Variants in TMTC1 observed in about 807,000 individuals in gnomAD.
TMTC1 encodes the protein transmembrane O-mannosyltransferase targeting cadherins 1, also known as protein O-mannosyl-transferase TMTC1.
A neutral mutation model predicts 104.8 loss-of-function variants in TMTC1; 73 were observed. The observed-to-expected ratio is 0.70, with a 90% CI of 0.58 to 0.85. The LOEUF is 0.85. Among genes scored for constraint, TMTC1 ranks in the 40% least tolerant of loss-of-function variants. TMTC1 has a pLI of 0.00. For missense variants in TMTC1, 1,035 were observed against 1,096.1 expected (o/e 0.94, Z 0.79); for synonymous variants, 434 against 428.7 (o/e 1.01, Z -0.15).
At chr12:29,663,451 A>G (rs1051384668) in intron 5 of TMTC1, among the ~76,000 whole-genome samples, 1 of 152,144 alleles carries the variant, frequency 6.6e-6, no homozygotes, top group Non-Finnish European at 1.5e-5. Context: ...TAGTGGAAAA[A>G]TTAGCAGTGG....
chr12:29,744,979 G>A (rs1476506400), intron 5 of TMTC1, among the ~76,000 whole-genome samples: 2 of 151,970 alleles, frequency 1.3e-5, no homozygotes, highest in Non-Finnish European at 2.9e-5. Context: ...AGGCTGGAGT[G>A]CAGTGGTGTG....
intron 5 of TMTC1, among the ~76,000 whole-genome samples, chr12:29,682,748 T>C (rs1041627973): frequency 6.6e-6 from 1 of 152,046 alleles, no homozygotes; most frequent in African/African-American, 2.4e-5. Flanking sequence ...TTAGAGTTGG[T>C]TGTGGGGTAG....
chr12:29,659,689 C>A (rs1169713420), intron 5 of TMTC1, among the ~76,000 whole-genome samples: 1 of 152,028 alleles, frequency 6.6e-6, no homozygotes, highest in African/African-American at 2.4e-5. Flanking sequence ...CAAATATACA[C>A]CAAATGAAAC....
intron 6 of TMTC1, among the ~76,000 whole-genome samples, chr12:29,611,026 A>C (rs1292287969): frequency 6.6e-6 from 1 of 152,230 alleles, no homozygotes; most frequent in Non-Finnish European, 1.5e-5. Context: ...TGTCTTCCCT[A>C]AGCCAATTTA....
chr12:29,687,803 T>C (rs1437248681), intron 5 of TMTC1, among the ~76,000 whole-genome samples: 1 of 152,192 alleles, frequency 6.6e-6, no homozygotes, highest in African/African-American at 2.4e-5. Flanking sequence ...TGTCCTCCCA[T>C]TGTTTTTCTT....
intron 17 of TMTC1, among the ~76,000 whole-genome samples, chr12:29,508,924 T>A (rs778882823): frequency 1.3e-5 from 2 of 152,126 alleles, no homozygotes; most frequent in Non-Finnish European, 2.9e-5. Context: ...AGTCAGTATC[T>A]CCAATTCCCT....
At chr12:29,774,325 A>T (rs978927470) in intron 1 of TMTC1, among the ~76,000 whole-genome samples, 1 of 152,184 alleles carries the variant, frequency 6.6e-6, no homozygotes, top group Non-Finnish European at 1.5e-5. Flanking sequence ...TGATACTCAG[A>T]ACAATGAGAG....
chr12:29,767,665 A>G (rs1354478028), intron 2 of TMTC1, among the ~76,000 whole-genome samples: 1 of 151,892 alleles, frequency 6.6e-6, no homozygotes, highest in Non-Finnish European at 1.5e-5. Flanking sequence ...CAAAAGGAAA[A>G]GTTGTCAACC....
intron 2 of TMTC1, among the ~76,000 whole-genome samples, chr12:29,761,638 T>C (rs1235836823): frequency 6.6e-6 from 1 of 151,916 alleles, no homozygotes; most frequent in Non-Finnish European, 1.5e-5. Flanking sequence ...GATATAGCTT[T>C]TTAAAAATGC....
chr12:29,713,143 T>C (rs992787929), intron 5 of TMTC1, among the ~76,000 whole-genome samples: 6 of 151,824 alleles, frequency 4.0e-5, no homozygotes, highest in Non-Finnish European at 8.8e-5. Context: ...CGTGGAAATG[T>C]GGAAATGCTG....
At chr12:29,508,736 C>T (rs767938404) in intron 17 of TMTC1, among the ~76,000 whole-genome samples, 3 of 151,940 alleles carry the variant, frequency 2.0e-5, no homozygotes, top group South Asian at 2.1e-4. Flanking sequence ...ACAACATGCC[C>T]GGCTAATTTT....
In TMTC1 at chr12:29,668,714, G is replaced by C. The variant is rs538266778; in HGVS notation, c.939-35378C>G. Reference sequence around the variant, plus strand: ...GACCTCAGGTGATCCACCCACCTTGGCCTCCCAAAGTGCTGGGATTACAGG... The same window carrying C: ...GACCTCAGGTGATCCACCCACCTTGCCCTCCCAAAGTGCTGGGATTACAGG... On this transcript the variant is annotated intron_variant, in intron 5 of 17. Transcript: ENST00000539277. Among the ~76,000 whole-genome samples, 150 of 152,216 alleles carry C rather than the reference G, an allele frequency of 9.9e-4. 1 individual carries two copies. Among genetic ancestry groups the C allele is most frequent in the African/African-American group, 3.3e-3 (138 of 41,550 alleles).
At chr12:29,553,216 CT>C (rs1364209067) in intron 10 of TMTC1, among the ~76,000 whole-genome samples, 1 of 152,216 alleles carries the variant, frequency 6.6e-6, no homozygotes, top group Non-Finnish European at 1.5e-5. Context: ...GGATTCAATC[CT>C]GGCTCTGCCA....
intron 10 of TMTC1, among the ~76,000 whole-genome samples, chr12:29,542,862 C>T (rs1026448277): frequency 8.6e-5 from 13 of 151,948 alleles, no homozygotes; most frequent in African/African-American, 3.1e-4. Flanking sequence ...GGTAATACTG[C>T]AATGAAAAGA....
intron 7 of TMTC1, among the ~76,000 whole-genome samples, chr12:29,595,399 T>C (rs1018393562): frequency 6.6e-6 from 1 of 152,218 alleles, no homozygotes; most frequent in Non-Finnish European, 1.5e-5. Context: ...TAATATTGTA[T>C]TGGTCAGTGA....
At chr12:29,720,012 A>T (rs1375555229) in intron 5 of TMTC1, among the ~76,000 whole-genome samples, 1 of 152,164 alleles carries the variant, frequency 6.6e-6, no homozygotes, top group Non-Finnish European at 1.5e-5. Context: ...CCAGGGTTGC[A>T]TGTCTTAAGG....
At chr12:29,700,708 A>G (rs73273636) in intron 5 of TMTC1, among the ~76,000 whole-genome samples, 9,200 of 152,242 alleles carry the variant, frequency 0.06, 976 homozygotes, top group African/African-American at 0.21. Flanking sequence ...TATTAATAGA[A>G]TATTTCTCAT....
chr12:29,613,150 C>T (rs1260295831), intron 6 of TMTC1, among the ~76,000 whole-genome samples: 2 of 152,184 alleles, frequency 1.3e-5, no homozygotes, highest in East Asian at 3.9e-4. Context: ...AGTATTTACA[C>T]AGGCAGATGG....
At chr12:29,657,506 C>T (rs1272481535) in intron 5 of TMTC1, among the ~76,000 whole-genome samples, 2 of 152,178 alleles carry the variant, frequency 1.3e-5, no homozygotes, top group Non-Finnish European at 2.9e-5. Flanking sequence ...AGGTTCTACA[C>T]TGCTGAGAAG....
Sources: gnomAD v4.1 joint callset for allele counts (sites outside exome capture counted in the v4.1 genomes callset) on GRCh38, gnomAD v4.1.1 for gene constraint, MANE v1.5 for transcripts, NCBI Gene and HGNC (gene_info 2026-07-23, HGNC 2026-07-21) for gene names.